DDX60L: variants seen among roughly 807,000 people sequenced by gnomAD.
DDX60L encodes the protein probable ATP-dependent RNA helicase DDX60-like.
Under a neutral mutation model 211.6 loss-of-function variants are expected in DDX60L, and 191 were observed. That is an observed-to-expected ratio of 0.90 (90% CI 0.80 to 1.02). The LOEUF is 1.02. Ranked by LOEUF, DDX60L falls within the 50% of genes least tolerant of loss-of-function variation. DDX60L has a pLI of 0.00. For missense variants in DDX60L, 2,007 were observed against 1,984.1 expected (o/e 1.01, Z -0.22); for synonymous variants, 706 against 694.1 (o/e 1.02, Z -0.27).
intron 6 of DDX60L, among the ~76,000 whole-genome samples, chr4:168,457,400 T>A (rs1262339585): frequency 6.6e-6 from 1 of 151,748 alleles, no homozygotes; most frequent in African/African-American, 2.4e-5. Flanking sequence ...TTGTGTTTTT[T>A]TCCAAACTTT....
At chr4:168,472,860 G>T (rs915653681) in intron 1 of DDX60L, 51 bp from the exon 2 acceptor site, 43 of 712,212 alleles carry the variant, frequency 6.0e-5, no homozygotes, top group East Asian at 1.3e-4. Flanking sequence ...ACAAAGAAAT[G>T]GACCCAAAAA....
chr4:168,375,836 C>A (rs2149658271), intron 33 of DDX60L, among the ~76,000 whole-genome samples: 1 of 152,302 alleles, frequency 6.6e-6, no homozygotes, highest in African/African-American at 2.4e-5. Context: ...ATTTAGAGAG[C>A]AAGTAACAAG....
chr4:168,398,563 G>T (rs1746234617), intron 26 of DDX60L, among the ~76,000 whole-genome samples: 1 of 152,172 alleles, frequency 6.6e-6, no homozygotes, highest in Non-Finnish European at 1.5e-5. Context: ...GCTGAGAAAG[G>T]CCTGAAACCT....
At position 168,396,130 on chromosome 4, in the gene DDX60L, A is replaced by AC; in HGVS notation, c.3492-7_3492-6insG. ...TCTTTGGGTTTTTTTTAGTGCTACT[A>AC]TTTAAAAAAAAAAAAAAACTTTTAA... On this transcript the variant is annotated splice_polypyrimidine_tract_variant and splice_region_variant and intron_variant, in intron 26 of 37. Transcript: ENST00000682922. The AC allele has an allele frequency of 7.6e-7, 1 of 1,319,142 alleles. No homozygotes were observed. The highest frequency in any genetic ancestry group is 1.0e-6 in the Non-Finnish European group (1 of 999,172). The allele number at this position is 1,319,142 out of a possible 1,614,324, so 81.7% of individuals were successfully genotyped here.
intron 14 of DDX60L, 77 bp from the exon 15 acceptor site, chr4:168,423,851 T>C (rs1751046074): frequency 1.1e-6 from 1 of 938,152 alleles, no homozygotes; most frequent in Non-Finnish European, 1.5e-6. Context: ...ATCATTGAGT[T>C]AATCAATTAA....
chr4:168,425,468 T>A (rs189587757), intron 14 of DDX60L, among the ~76,000 whole-genome samples: 31 of 152,266 alleles, frequency 2.0e-4, no homozygotes, highest in Middle Eastern at 3.4e-3. Flanking sequence ...AGCATCAAAA[T>A]CACATATCTC....
In DDX60L at chr4:168,471,949, T is replaced by C. The variant is rs751544274; in HGVS notation, c.75-13A>G. The C allele has an allele frequency of 7.1e-6, 11 of 1,552,260 alleles. No homozygotes were observed. The East Asian group carries it at 1.1e-4, about 16-fold the overall frequency. ...TATGCTGGAATACCTAAAATAAAAA[T>C]CAAAGAGAATAAAAATCACAGATGT... On this transcript the variant is annotated splice_polypyrimidine_tract_variant and intron_variant, in intron 3 of 37. Transcript: ENST00000682922.
chr4:168,360,390 G>T (rs1435849046), intron 37 of DDX60L, among the ~76,000 whole-genome samples: 1 of 152,166 alleles, frequency 6.6e-6, no homozygotes. Flanking sequence ...ACTCCAAGTG[G>T]GCAAAGGAGG....
chr4:168,437,998 C>T (rs965659587), intron 10 of DDX60L, among the ~76,000 whole-genome samples: 3 of 152,062 alleles, frequency 2.0e-5, no homozygotes, highest in East Asian at 3.9e-4. Flanking sequence ...CTCAGCCTCC[C>T]GAGTAGCTGG....
chr4:168,419,225 C>T, intron 19 of DDX60L, 77 bp downstream of exon 19: 1 of 997,998 alleles, frequency 1.0e-6, no homozygotes, highest in South Asian at 2.1e-5. Context: ...ATTGAAAAAG[C>T]CCTATATTCT....
chr4:168,366,853 A>G (rs1246581971), intron 36 of DDX60L, among the ~76,000 whole-genome samples: 2 of 152,208 alleles, frequency 1.3e-5, no homozygotes, highest in East Asian at 3.9e-4. Context: ...CTGATTTTTT[A>G]TAAATTAGCT....
At chr4:168,465,777 T>C (rs1757916299) in intron 4 of DDX60L, among the ~76,000 whole-genome samples, 1 of 152,144 alleles carries the variant, frequency 6.6e-6, no homozygotes, top group Non-Finnish European at 1.5e-5. Flanking sequence ...ACGTTCTTGA[T>C]ATGTTTTTGT....
chr4:168,432,739 A>G (rs957292939), intron 11 of DDX60L, among the ~76,000 whole-genome samples, 169 bp from the exon 12 acceptor site: 48 of 151,758 alleles, frequency 3.2e-4, no homozygotes, highest in African/African-American at 1.2e-3. Context: ...CCATTCCTGT[A>G]ACAGTCACAT....
chr4:168,443,141 C>A (rs371067947), intron 9 of DDX60L, among the ~76,000 whole-genome samples: 58 of 151,256 alleles, frequency 3.8e-4, no homozygotes, highest in East Asian at 1.9e-4. Flanking sequence ...AAAATTTAGA[C>A]GAATGTACAA....
chr4:168,436,497 G>A (rs1753053308), intron 10 of DDX60L, among the ~76,000 whole-genome samples: 1 of 152,190 alleles, frequency 6.6e-6, no homozygotes, highest in Non-Finnish European at 1.5e-5. Context: ...TGAAGCAGTT[G>A]CCTCAGTAGA....
chr4:168,464,817 A>T (rs1418853011), intron 4 of DDX60L, among the ~76,000 whole-genome samples: 1 of 152,150 alleles, frequency 6.6e-6, no homozygotes, highest in African/African-American at 2.4e-5. Flanking sequence ...ATGTTGCCAC[A>T]AATGACCGAA....
Position 168,446,829 on chromosome 4 carries a change from T to C in DDX60L, c.1138+1809A>G, listed in dbSNP as rs1754890353. On this transcript the variant is annotated intron_variant, in intron 9 of 37. Transcript: ENST00000682922. ...GTGCTGGGAAAACTGGCTAGCCATA[T>C]GTAGAAAGCTGAAACTGGATCCCTT... Among the ~76,000 whole-genome samples, 6 of 117,246 alleles carry C rather than the reference T, an allele frequency of 5.1e-5. 1 individual carries two copies. The Admixed American group carries it at 5.9e-4, about 11-fold the overall frequency. The allele number at this position is 117,246 out of a possible 152,430, so 76.9% of individuals were successfully genotyped here.
chr4:168,423,846 T>A, intron 14 of DDX60L, 72 bp from the exon 15 acceptor site: 2 of 995,374 alleles, frequency 2.0e-6, no homozygotes, highest in Middle Eastern at 3.3e-4. Flanking sequence ...CGACAATCAT[T>A]GAGTTAATCA....
At position 168,456,165 on chromosome 4, in the gene DDX60L, A is replaced by C; in HGVS notation, c.724-13T>G. The C allele has an allele frequency of 6.9e-7, 1 of 1,441,430 alleles. No homozygotes were observed. The highest frequency in any genetic ancestry group is 2.5e-5 in the East Asian group (1 of 39,378). The allele number at this position is 1,441,430 out of a possible 1,614,324, so 89.3% of individuals were successfully genotyped here. ...GAGTCTGATACGCCTATCAAAAAAG[A>C]AATTTCTTCAAATGTCAAATTATTT... On this transcript the variant is annotated splice_polypyrimidine_tract_variant and intron_variant, in intron 6 of 37. Coordinates refer to ENST00000682922, the MANE Select transcript of DDX60L (RefSeq NM_001012967.3).
Sources: gnomAD v4.1 joint callset for allele counts (sites outside exome capture counted in the v4.1 genomes callset) on GRCh38, gnomAD v4.1.1 for gene constraint, MANE v1.5 for transcripts, NCBI Gene and HGNC (gene_info 2026-07-23, HGNC 2026-07-21) for gene names.